PLEKHH1: variants seen among roughly 807,000 people sequenced by gnomAD.
PLEKHH1 encodes the protein pleckstrin homology, MyTH4 and FERM domain containing H1.
In PLEKHH1, 104 loss-of-function variants were observed where a neutral mutation model predicts 160.0. The observed-to-expected ratio is 0.65, with a 90% CI of 0.55 to 0.76. PLEKHH1 has a LOEUF of 0.76. Ranked by LOEUF, PLEKHH1 falls within the 30% of genes least tolerant of loss-of-function variation. PLEKHH1 has a pLI of 0.00. For missense variants in PLEKHH1, 1,427 were observed against 1,724.1 expected (o/e 0.83, Z 3.05); for synonymous variants, 619 against 678.4 (o/e 0.91, Z 1.36).
chr14:67,574,768 A>G lies in PLEKHH1; in HGVS notation c.2088+365A>G, dbSNP rs1160354525. On this transcript the variant is annotated intron_variant, in intron 14 of 28. Coordinates refer to ENST00000329153, the MANE Select transcript of PLEKHH1 (RefSeq NM_020715.3). This position sits in a 1 kb window ranked among gnomAD's most constrained non-coding sequence, Gnocchi z 4.2. ...GGTAGGTATGGCTCCTCAAAGACTT[A>G]AAGTATCCCAGGCCTGCCCTAAAGA... Among the ~76,000 whole-genome samples the G allele has an allele frequency of 3.3e-5, 5 of 152,118 alleles. No individual in the cohort carries two copies. The highest frequency in any genetic ancestry group is 1.2e-4 in the African/African-American group (5 of 41,424).
At position 67,559,621 on chromosome 14, in the gene PLEKHH1, C is replaced by T; in HGVS notation, c.353C>T (p.Ala118Val). ...AQLEKQKQMR[A>V]EEAKTVQEKA... ...TCTTTCTTGCAGAAGCAGATGAGGG[C>T]AGAGGAAGCAAAAACTGTTCAAGAA... The change falls in exon 5 of 29, where the codon GCA becomes GTA. Residue 118 changes from alanine to valine, a missense_variant. This residue lies in a region of PLEKHH1 where 831 missense variants were observed against 929.2 expected (regional missense o/e 0.89). Transcript: ENST00000329153. The T allele has an allele frequency of 6.3e-7, 1 of 1,596,756 alleles. No homozygotes were observed. Among genetic ancestry groups the T allele is most frequent in the Non-Finnish European group, 8.5e-7 (1 of 1,171,120 alleles).
chr14:67,573,360 G>A lies in PLEKHH1; in HGVS notation c.1813G>A (p.Gly605Arg), dbSNP rs1374880376. ...GAGGCGCTGGTTTGTCCTGAGACAG[G>A]GACAGATTATGTACTACAAGTCCCC... ...WKRRWFVLRQ[G>R]QIMYYKSPSD... Residue 605 changes from glycine to arginine, a missense_variant, in exon 12 of 29, where the codon GGA (glycine) becomes AGA (arginine). This residue lies in a region of PLEKHH1 where 831 missense variants were observed against 929.2 expected (regional missense o/e 0.89). Coordinates refer to ENST00000329153, the MANE Select transcript of PLEKHH1 (RefSeq NM_020715.3). This position sits in a 1 kb window ranked among gnomAD's most constrained non-coding sequence, Gnocchi z 4.8. 6.2e-7 allele frequency: 1 copy of A among 1,612,062 alleles called. No individual in the cohort carries two copies. Among genetic ancestry groups the A allele is most frequent in the East Asian group, 2.2e-5 (1 of 44,870 alleles).
In PLEKHH1 at chr14:67,562,698, T is replaced by C; in HGVS notation, c.1067T>C (p.Leu356Pro). ...ATTGAGACTGAGGCCTTCTCAGCCC[T>C]CCACCCCTCTGGCCTTCCTGAGCTG... ...VNIETEAFSA[L>P]HPSGLPELES... Residue 356 changes from leucine (L) to proline (P), a missense_variant, in exon 7 of 29, where the codon CTC becomes CCC. This residue lies in a region of PLEKHH1 where 831 missense variants were observed against 929.2 expected (regional missense o/e 0.89). Transcript: ENST00000329153. 6.2e-7 allele frequency: 1 copy of C among 1,612,744 alleles called. No individual in the cohort carries two copies. Among genetic ancestry groups the C allele is most frequent in the Non-Finnish European group, 8.5e-7 (1 of 1,179,434 alleles).
rs1019027662 is a variant in PLEKHH1, at chr14:67,587,359, G to C, written c.*124G>C. 4.1e-5 allele frequency: 46 copies of C among 1,125,950 alleles called. No homozygotes were observed. The highest frequency in any genetic ancestry group is 5.8e-5 in the Non-Finnish European group (43 of 745,686). The allele number at this position is 1,125,950 out of a possible 1,614,324, so 69.7% of individuals were successfully genotyped here. The stretch of plus-strand genomic sequence containing the variant: ...CGGCTACTCTTGTTCTGTGAAATGT[G>C]TATTTTAGTCTCTGTGAAGCCTTTA... On this transcript the variant is annotated 3_prime_UTR_variant, in exon 29 of 29. Coordinates refer to ENST00000329153, the MANE Select transcript of PLEKHH1 (RefSeq NM_020715.3).
intron 9 of PLEKHH1, chr14:67,571,356 G>A (rs1193003689): frequency 5.5e-6 from 1 of 182,104 alleles, no homozygotes; most frequent in East Asian, 1.2e-4. Context: ...GAGATAGTCA[G>A]TCACTTTAAA....
At chr14:67,561,871 A>G in intron 5 of PLEKHH1, 83 bp from the exon 6 acceptor site, 8 of 364,568 alleles carry the variant, frequency 2.2e-5, no homozygotes, top group Non-Finnish European at 2.9e-5. Flanking sequence ...CCCTGTCTCA[A>G]AAAAAAAAAA....
In PLEKHH1 at chr14:67,586,092, C is replaced by T. The variant is rs748974641; in HGVS notation, c.3928C>T (p.Pro1310Ser). 4.3e-6 allele frequency: 7 copies of T among 1,613,884 alleles called. 1 individual carries two copies. In the South Asian group the frequency reaches 7.7e-5, roughly 18 times the overall value. ...GAAGTTGATCTTCCGGATGGCTGCT[C>T]CCAAGGTAGGTCTGACAGCTGTTAA... ...IEKLIFRMAA[P>S]KIAEATFIMA... The change falls in exon 28 of 29, where the codon CCC becomes TCC. Residue 1310 changes from proline to serine, a missense_variant. Around this residue, in one of 6 missense-constraint regions of PLEKHH1, gnomAD observed 96 missense variants for 97.6 expected, o/e 0.98. Coordinates refer to ENST00000329153, the MANE Select transcript of PLEKHH1 (RefSeq NM_020715.3).
At chr14:67,562,095 C>T in intron 6 of PLEKHH1, 42 bp from the exon 7 acceptor site, 1 of 1,600,650 alleles carries the variant, frequency 6.2e-7, no homozygotes, top group Non-Finnish European at 8.5e-7. Flanking sequence ...TGGGGCTGAG[C>T]TACGGGAGCT....
chr14:67,572,368 T>G (rs1594779047), intron 11 of PLEKHH1, 91 bp downstream of exon 11: 4 of 1,044,550 alleles, frequency 3.8e-6, no homozygotes, highest in South Asian at 1.8e-5. Flanking sequence ...AGTAGCTGCC[T>G]GAAGTGAGGG....
chr14:67,538,552 C>T (rs1415925918), intron 1 of PLEKHH1, among the ~76,000 whole-genome samples: 1 of 152,200 alleles, frequency 6.6e-6, no homozygotes, highest in Non-Finnish European at 1.5e-5. Context: ...TGAGGCTCAG[C>T]TTACTGGTAT....
At chr14:67,581,090 G>A (rs2035872521) in intron 23 of PLEKHH1, 52 bp downstream of exon 23, 3 of 1,158,790 alleles carry the variant, frequency 2.6e-6, no homozygotes, top group South Asian at 2.4e-5. Flanking sequence ...GCCACTGGGT[G>A]CCAGCTCATC....
intron 5 of PLEKHH1, among the ~76,000 whole-genome samples, chr14:67,560,925 T>C (rs984465236): frequency 6.6e-6 from 1 of 152,068 alleles, no homozygotes; most frequent in African/African-American, 2.4e-5. Context: ...GAGACGGGGT[T>C]TCGTTATGTT....
chr14:67,573,871 G>C lies in PLEKHH1; in HGVS notation c.1910G>C (p.Gly637Ala). 1 of 1,612,976 alleles carries C rather than the reference G, an allele frequency of 6.2e-7. No homozygotes were observed. Among genetic ancestry groups the C allele is most frequent in the Non-Finnish European group, 8.5e-7 (1 of 1,178,984 alleles). Reference sequence around the variant, plus strand: ...CGCTGCCAAATTGTTCGAGGGGAGGGTTCACAGACGTTTCAGGTGAGCACG... The same window carrying C: ...CGCTGCCAAATTGTTCGAGGGGAGGCTTCACAGACGTTTCAGGTGAGCACG... The part of the protein sequence containing the change: ...NSRCQIVRGE[G>A]SQTFQLISEK... Residue 637 changes from glycine (G) to alanine (A), a missense_variant, in exon 13 of 29, where the codon GGT becomes GCT. Around this residue, in one of 6 missense-constraint regions of PLEKHH1, gnomAD observed 831 missense variants for 929.2 expected, o/e 0.89. Transcript: ENST00000329153. The surrounding 1 kb of genome is among the most constrained non-coding windows in gnomAD (Gnocchi z 4.8).
rs750760469 is a variant in PLEKHH1 at position 67,581,016 on chromosome 14, G to A, written c.3262G>A (p.Val1088Met). 41 of 1,611,542 alleles carry A rather than the reference G, an allele frequency of 2.5e-5. No homozygotes were observed. In the Admixed American group the frequency reaches 3.8e-4, roughly 15 times the overall value. Residue 1088 changes from valine to methionine, a missense_variant, in exon 23 of 29, where the codon GTG (valine) becomes ATG (methionine). Physicochemically the swap from Val to Met is conservative, Grantham distance 21 (BLOSUM62 1). Coordinates refer to ENST00000329153, the MANE Select transcript of PLEKHH1 (RefSeq NM_020715.3). ...PGKSEGGTRVVKLMYKNRLYF... is the reference protein window; with the variant it reads ...PGKSEGGTRVMKLMYKNRLYF... ...AAAGTCTGAGGGTGGGACACGCGTC[G>A]TGAAGCTGATGTACAAGAACAGGTC...
chr14:67,579,943 C>T, intron 22 of PLEKHH1, 67 bp downstream of exon 22: 1 of 1,414,054 alleles, frequency 7.1e-7, no homozygotes, highest in Non-Finnish European at 9.7e-7. Flanking sequence ...GGGGAAAGAG[C>T]CCATCTGATG....
intron 5 of PLEKHH1, among the ~76,000 whole-genome samples, chr14:67,561,505 AG>A (rs2034834603): frequency 6.6e-6 from 1 of 152,080 alleles, no homozygotes; most frequent in South Asian, 2.1e-4. Flanking sequence ...CAGAGGTTGC[AG>A]TGAGCCAAGA....
At position 67,577,351 on chromosome 14, in the gene PLEKHH1, A is replaced by G. The variant is rs377352922; in HGVS notation, c.2511A>G (p.Leu837=). ...TGCTGTGCTACAGCAAAGACGGCCT[A>G]TACGCCTCCCTCACCACCCTGCCCT... ...HPMLCYSKDG[L]YASLTTLPSE... is the part of the protein sequence containing the mutation. Residue 837 remains leucine, a synonymous_variant, in exon 18 of 29, where the codon CTA becomes CTG. Coordinates refer to ENST00000329153, the MANE Select transcript of PLEKHH1 (RefSeq NM_020715.3). 62 of 1,587,912 alleles carry G rather than the reference A, an allele frequency of 3.9e-5. 1 individual carries two copies. Among genetic ancestry groups the G allele is most frequent in the East Asian group, 6.9e-5 (3 of 43,346 alleles).
At chr14:67,555,069 C>T (rs12436622) in intron 2 of PLEKHH1, among the ~76,000 whole-genome samples, 22,447 of 151,946 alleles carry the variant, frequency 0.15, 2,034 homozygotes, top group East Asian at 0.34. Context: ...CACACCGCCA[C>T]GCTCAGCTAA....
In PLEKHH1 at chr14:67,589,425, C is replaced by CTGAT. The variant is rs533957302; in HGVS notation, c.*2191_*2194dup. 378 of 985,002 alleles carry CTGAT rather than the reference C, an allele frequency of 3.8e-4. No individual in the cohort carries two copies. The highest frequency in any genetic ancestry group is 4.4e-4 in the Non-Finnish European group (368 of 829,832). 61.0% of individuals were successfully genotyped at this position (985,002 alleles called of 1,614,324 possible). On this transcript the variant is annotated 3_prime_UTR_variant, in exon 29 of 29. Coordinates refer to ENST00000329153, the MANE Select transcript of PLEKHH1 (RefSeq NM_020715.3). The stretch of plus-strand genomic sequence containing the variant: ...CTTCTTGGCAAAAGTAGCTTTTGAA[C>CTGAT]TGATATAAAAAAAAATGCTGAGTAA...
Sources: allele counts gnomAD v4.1 joint callset (sites outside exome capture counted in the v4.1 genomes callset), GRCh38; gene constraint gnomAD v4.1.1; regional missense constraint gnomAD v4.1.1; non-coding constraint Gnocchi (gnomAD v3.1); transcripts MANE v1.5; gene names NCBI Gene and HGNC (gene_info 2026-07-23, HGNC 2026-07-21).